Variants in ETFA observed in about 807,000 individuals in gnomAD.
The protein encoded by ETFA is electron transfer flavoprotein subunit alpha, mitochondrial.
Under a neutral mutation model 46.2 loss-of-function variants are expected in ETFA, and 22 were observed. The ratio of observed to expected loss-of-function variants is 0.48; its 90% CI spans 0.34 to 0.68. The LOEUF is 0.68. Among genes scored for constraint, ETFA ranks in the 30% least tolerant of loss-of-function variants. The pLI, the probability that ETFA is intolerant of heterozygous loss-of-function variation, is 0.01. For synonymous variants in ETFA, 131 were observed against 139.9 expected, an observed-to-expected ratio of 0.94 and a Z score of 0.45; for missense variants, 345 against 401.1, an observed-to-expected ratio of 0.86 and a Z score of 1.19.
At chr15:76,297,886 C>T (rs1486754108) in intron 1 of ETFA, among the ~76,000 whole-genome samples, 6 of 152,078 alleles carry the variant, frequency 3.9e-5, no homozygotes, top group African/African-American at 1.2e-4. Context: ...CAGATACCAC[C>T]TAGAGAGAAG....
intron 9 of ETFA, among the ~76,000 whole-genome samples, chr15:76,246,914 G>A (rs1355267328): frequency 6.6e-6 from 1 of 152,052 alleles, no homozygotes; most frequent in South Asian, 2.1e-4. Flanking sequence ...ATATGTCTGT[G>A]TATGTACAAC....
intron 9 of ETFA, among the ~76,000 whole-genome samples, chr15:76,262,473 C>T (rs912513422): frequency 3.4e-5 from 4 of 118,600 alleles, no homozygotes; most frequent in Non-Finnish European, 7.3e-5. Context: ...AATCAAACCC[C>T]CTTTTTTTTT....
At position 76,267,776 on chromosome 15, in the gene ETFA, T is replaced by C. The variant is rs112942993; in HGVS notation, c.816+6636A>G. Among the ~76,000 whole-genome samples the C allele has an allele frequency of 2.4e-3, 358 of 152,292 alleles. 3 individuals are homozygous for C. The highest frequency in any genetic ancestry group is 8.0e-3 in the African/African-American group (333 of 41,560). On this transcript the variant is annotated intron_variant, in intron 9 of 11. Coordinates refer to ENST00000557943, the MANE Select transcript of ETFA (RefSeq NM_000126.4). ...CAACCCACGACTGCAGCTGAACAACTGACAGGACAAAAGGAAAATAAAAAG... is the reference window on the plus strand; with the variant it reads ...CAACCCACGACTGCAGCTGAACAACCGACAGGACAAAAGGAAAATAAAAAG...
chr15:76,292,718 G>A lies in ETFA; in HGVS notation c.187-18C>T. The A allele has an allele frequency of 6.6e-7, 1 of 1,520,424 alleles. No individual in the cohort carries two copies. Among genetic ancestry groups the A allele is most frequent in the Non-Finnish European group, 9.1e-7 (1 of 1,094,602 alleles). 94.2% of individuals were successfully genotyped at this position (1,520,424 alleles called of 1,614,324 possible). On this transcript the variant is annotated intron_variant, in intron 2 of 11. Transcript: ENST00000557943. The stretch of plus-strand genomic sequence containing the variant: ...TGTGCCACCTATGATTAAAAGATAA[G>A]TTCCTAATTATCCATCTATCAGAAA...
intron 9 of ETFA, among the ~76,000 whole-genome samples, chr15:76,250,252 T>G (rs1250749607): frequency 6.6e-6 from 1 of 152,046 alleles, no homozygotes; most frequent in East Asian, 1.9e-4. Flanking sequence ...ATATAGGACA[T>G]TACTAATGAT....
intron 9 of ETFA, among the ~76,000 whole-genome samples, chr15:76,244,515 G>A (rs1377538541): frequency 1.3e-5 from 2 of 152,064 alleles, no homozygotes; most frequent in Admixed American, 6.6e-5. Context: ...CTTTGGCCTT[G>A]AGGTGAACAC....
At chr15:76,294,266 TC>T (rs1377530463) in intron 2 of ETFA, among the ~76,000 whole-genome samples, 58 of 152,162 alleles carry the variant, frequency 3.8e-4, no homozygotes, top group African/African-American at 1.3e-3. Flanking sequence ...AATCACAAAT[TC>T]CTATATATCC....
intron 1 of ETFA, among the ~76,000 whole-genome samples, chr15:76,304,526 T>C (rs2039917286): frequency 6.6e-6 from 1 of 151,896 alleles, no homozygotes; most frequent in South Asian, 2.1e-4. Flanking sequence ...TAGTCAGATG[T>C]GGTGGCGCAT....
chr15:76,311,423 C>A lies in ETFA; in HGVS notation c.-35G>T. 6.5e-7 allele frequency: 1 copy of A among 1,548,562 alleles called. No homozygotes were observed. Among genetic ancestry groups the A allele is most frequent in the African/African-American group, 1.4e-5 (1 of 73,336 alleles). On this transcript the variant is annotated 5_prime_UTR_variant, in exon 1 of 12. Transcript: ENST00000557943. ...TTCCGCCGCAACCTCGGCCTTACAG[C>A]AGCCCCGTGCCCGGCCAACTGGCGC...
chr15:76,261,268 T>C (rs1437609806), intron 9 of ETFA: 25 of 1,573,500 alleles, frequency 1.6e-5, no homozygotes, highest in Non-Finnish European at 2.2e-5. Context: ...CACTGCCAGA[T>C]CTTTTGGCTC....
intron 9 of ETFA, among the ~76,000 whole-genome samples, chr15:76,237,130 G>A (rs1475662919): frequency 1.3e-5 from 2 of 151,910 alleles, no homozygotes; most frequent in Non-Finnish European, 2.9e-5. Context: ...TTGGCTCGCT[G>A]CAACCTCTGC....
chr15:76,280,507 A>G (rs1314601392), intron 8 of ETFA, among the ~76,000 whole-genome samples: 1 of 152,116 alleles, frequency 6.6e-6, no homozygotes, highest in African/African-American at 2.4e-5. Flanking sequence ...CACCTAGACG[A>G]CTGATATAGC....
intron 9 of ETFA, among the ~76,000 whole-genome samples, chr15:76,265,443 T>C (rs1179043837): frequency 1.3e-5 from 2 of 152,200 alleles, no homozygotes; most frequent in Non-Finnish European, 2.9e-5. Flanking sequence ...ATTGGGTTAA[T>C]CAAGTGTCTG....
intron 1 of ETFA, among the ~76,000 whole-genome samples, chr15:76,306,565 G>A (rs1744742375): frequency 6.6e-6 from 1 of 151,508 alleles, no homozygotes; most frequent in African/African-American, 2.4e-5. Flanking sequence ...CACCCAGCCG[G>A]TTTTTTTGCT....
intron 9 of ETFA, chr15:76,261,167 CG>C: frequency 3.9e-6 from 6 of 1,532,610 alleles, no homozygotes; most frequent in Non-Finnish European, 5.4e-6. Flanking sequence ...GCAGGTCCCC[CG>C]ATCTTCGTAG....
intron 9 of ETFA, among the ~76,000 whole-genome samples, chr15:76,273,844 G>A (rs748553154): frequency 2.0e-5 from 3 of 152,120 alleles, no homozygotes; most frequent in Admixed American, 6.5e-5. Flanking sequence ...ATTCAACTTT[G>A]AGACCAAAAT....
At chr15:76,249,499 T>G (rs1340882126) in intron 9 of ETFA, among the ~76,000 whole-genome samples, 79 of 142,202 alleles carry the variant, frequency 5.6e-4, no homozygotes, top group African/African-American at 2.1e-3. Flanking sequence ...TGGAGTGCAG[T>G]GGCGCGATCT....
rs1327286925 is a variant in ETFA at position 76,216,263 on chromosome 15, A to C, written c.*296T>G. ...AACAAAATTTTTACTCCTTTTCTTC[A>C]ATTTTCTCTAGAGGCTAGGCATATT... On this transcript the variant is annotated 3_prime_UTR_variant, in exon 12 of 12. Transcript: ENST00000557943. 1 of 285,546 alleles carries C rather than the reference A, an allele frequency of 3.5e-6. No homozygotes were observed. Among genetic ancestry groups the C allele is most frequent in the Admixed American group, 5.0e-5 (1 of 19,984 alleles). The allele number at this position is 285,546 out of a possible 1,614,324, so 17.7% of individuals were successfully genotyped here.
chr15:76,292,314 C>A (rs986796194), intron 4 of ETFA, 117 bp downstream of exon 4: 1 of 793,994 alleles, frequency 1.3e-6, no homozygotes, highest in East Asian at 2.5e-5. Flanking sequence ...AAAACTACCA[C>A]ATCAATTCAG....
Sources: allele counts gnomAD v4.1 joint callset (sites outside exome capture counted in the v4.1 genomes callset), GRCh38; gene constraint gnomAD v4.1.1; transcripts MANE v1.5; gene names NCBI Gene and HGNC (gene_info 2026-07-23, HGNC 2026-07-21).